Variants in GDAP1 observed in about 807,000 individuals in gnomAD.
GDAP1 encodes the protein ganglioside induced differentiation associated protein 1.
A neutral mutation model predicts 40.1 loss-of-function variants in GDAP1; 34 were observed. The ratio of observed to expected loss-of-function variants is 0.85; its 90% CI spans 0.64 to 1.13. The LOEUF (loss-of-function observed/expected upper bound fraction) is 1.13, where lower values mean the gene tolerates loss of function less well. GDAP1 is among the 50% of genes most tolerant of loss of function. GDAP1 has a pLI of 0.00. For synonymous variants in GDAP1, 170 were observed against 157.4 expected, an observed-to-expected ratio of 1.08 and a Z score of -0.60; for missense variants, 374 against 433.7, an observed-to-expected ratio of 0.86 and a Z score of 1.22.
At chr8:74,470,823 C>T (rs554914347) in intron 2 of GDAP1, among the ~76,000 whole-genome samples, 1,884 of 152,260 alleles carry the variant, frequency 0.012, 42 homozygotes, top group African/African-American at 0.043. Context: ...CCTGAGGAAT[C>T]GCCACACTGA....
In GDAP1 at chr8:74,430,150, T is replaced by C. The variant is rs1034502995; in HGVS notation, c.166-58528T>C. Among the ~76,000 whole-genome samples, 165 of 152,198 alleles carry C rather than the reference T, an allele frequency of 1.1e-3. 5 individuals carry two copies. Among genetic ancestry groups the C allele is most frequent in the Non-Finnish European group, 4.4e-4 (30 of 68,040 alleles). On this transcript the variant is annotated intron_variant, in intron 2 of 2. Coordinates refer to the GDAP1 transcript ENST00000523640. ...TACAACGAATACCATTTCTCAACTATTAGATGGGTAAATGGTTCAAGTGTG... is the reference window on the plus strand; with the variant it reads ...TACAACGAATACCATTTCTCAACTACTAGATGGGTAAATGGTTCAAGTGTG...
At chr8:74,384,094 C>G (rs1462328109) in intron 2 of GDAP1, among the ~76,000 whole-genome samples, 1 of 152,130 alleles carries the variant, frequency 6.6e-6, no homozygotes, top group Admixed American at 6.5e-5. Flanking sequence ...AGACAATGCA[C>G]TGATAACTGC....
At chr8:74,384,971 T>C (rs1193634116) in intron 2 of GDAP1, among the ~76,000 whole-genome samples, 2 of 152,192 alleles carry the variant, frequency 1.3e-5, no homozygotes, top group Non-Finnish European at 2.9e-5. Context: ...CACAGTTGAA[T>C]GCTTTGCTAG....
intron 2 of GDAP1, among the ~76,000 whole-genome samples, chr8:74,357,348 T>C (rs757050548): frequency 6.6e-6 from 1 of 152,198 alleles, no homozygotes; most frequent in Non-Finnish European, 1.5e-5. Flanking sequence ...GCCCCTAATT[T>C]CTTTTTATGT....
At chr8:74,471,722 T>A (rs1251040383) in intron 2 of GDAP1, among the ~76,000 whole-genome samples, 5 of 152,176 alleles carry the variant, frequency 3.3e-5, no homozygotes, top group African/African-American at 1.2e-4. Context: ...CTTGTCACTG[T>A]CGGTCAGTTT....
intron 2 of GDAP1, among the ~76,000 whole-genome samples, chr8:74,357,727 C>T (rs543268381): frequency 2.6e-5 from 4 of 152,312 alleles, no homozygotes; most frequent in Admixed American, 2.6e-4. Flanking sequence ...ATGCTGGGAC[C>T]TCCTCTCATT....
At chr8:74,405,551 G>T (rs190890881) in intron 2 of GDAP1, among the ~76,000 whole-genome samples, 3 of 149,970 alleles carry the variant, frequency 2.0e-5, no homozygotes, top group African/African-American at 7.6e-5. Flanking sequence ...ACTGTTGTCC[G>T]TGCTGGGCTA....
In GDAP1 at chr8:74,363,995, G is replaced by A; in HGVS notation, c.705G>A (p.Gln235=). ...CCTTTCTCTAATTAGAAGAGGGCCA[G>A]CAACCTTGGCTCTGCGGTGAATCCT... is the stretch of plus-strand genomic sequence containing the variant. ...RRNEETPEEG[Q]QPWLCGESFT... is the part of the protein sequence containing the mutation. The change falls in exon 6 of 6, where the codon CAG becomes CAA. Residue 235 remains glutamine, a synonymous_variant. Transcript: ENST00000220822. 6.2e-7 allele frequency: 1 copy of A among 1,614,014 alleles called. No individual in the cohort carries two copies.
chr8:74,444,016 A>ATCTATCTG (rs1238130156), intron 2 of GDAP1, among the ~76,000 whole-genome samples: 3 of 112,334 alleles, frequency 2.7e-5, no homozygotes, highest in African/African-American at 8.8e-5. Context: ...CTATCTATCT[A>ATCTATCTG]TCTATCTATC....
At chr8:74,360,352 T>G in intron 3 of GDAP1, 42 bp downstream of exon 3, 1 of 1,508,438 alleles carries the variant, frequency 6.6e-7, no homozygotes, top group Non-Finnish European at 9.2e-7. Context: ...GTCTGACACT[T>G]TCTTTTAATT....
intron 2 of GDAP1, among the ~76,000 whole-genome samples, chr8:74,380,828 T>C (rs1387617235): frequency 6.6e-6 from 1 of 152,220 alleles, no homozygotes; most frequent in Non-Finnish European, 1.5e-5. Flanking sequence ...ATGATTTTTC[T>C]CTGGGACTCT....
Position 74,361,988 on chromosome 8 carries a change from T to C in GDAP1, c.579+10T>C, listed in dbSNP as rs1809391819. On this transcript the variant is annotated intron_variant, in intron 4 of 5. Transcript: ENST00000220822. Reference sequence around the variant, plus strand: ...ACAGAAACGACTTAAAGTAAGCCAATCAGCTGTCCTCAGTTGACATACACT... The same window carrying C: ...ACAGAAACGACTTAAAGTAAGCCAACCAGCTGTCCTCAGTTGACATACACT... 7.2e-7 allele frequency: 1 copy of C among 1,389,520 alleles called. No individual in the cohort carries two copies. The highest frequency in any genetic ancestry group is 1.0e-6 in the Non-Finnish European group (1 of 978,132). 86.1% of individuals were successfully genotyped at this position (1,389,520 alleles called of 1,614,324 possible).
chr8:74,452,608 C>G lies in GDAP1; in HGVS notation c.166-36070C>G, dbSNP rs1416219786. Among the ~76,000 whole-genome samples, 4 of 83,694 alleles carry G rather than the reference C, an allele frequency of 4.8e-5. 2 individuals carry two copies. The highest frequency in any genetic ancestry group is 2.1e-4 in the African/African-American group (4 of 19,326). The allele number at this position is 83,694 out of a possible 152,430, so 54.9% of individuals were successfully genotyped here. A position where few individuals can be genotyped will look rare whatever the true frequency, so the allele number is the denominator to read the frequency against. On this transcript the variant is annotated intron_variant, in intron 2 of 2. Coordinates refer to the GDAP1 transcript ENST00000523640. The stretch of plus-strand genomic sequence containing the variant: ...TTTTTTTCACATATGCTTTTTAGCT[C>G]TAGAATTTCAATTTGGCTCTTCATT...
chr8:74,401,050 G>A (rs1184814576), intron 2 of GDAP1, among the ~76,000 whole-genome samples: 1 of 149,246 alleles, frequency 6.7e-6, no homozygotes, highest in Non-Finnish European at 1.5e-5. Context: ...CTCTTCTCGA[G>A]GAGTATCTTT....
Position 74,482,937 on chromosome 8 carries a change from T to A in GDAP1, c.166-5741T>A, listed in dbSNP as rs146310509. Among the ~76,000 whole-genome samples the A allele has an allele frequency of 5.0e-3, 757 of 152,304 alleles. 6 individuals carry two copies. Among genetic ancestry groups the A allele is most frequent in the African/African-American group, 0.017 (706 of 41,564 alleles). On this transcript the variant is annotated intron_variant, in intron 2 of 2. Coordinates refer to the GDAP1 transcript ENST00000523640. ...CAGTACAGTGTAGGAGTTACAGACA[T>A]GGGCTCTGGAGTCAGACTTCCTGGA...
At chr8:74,386,328 T>G (rs1192710800) in intron 2 of GDAP1, among the ~76,000 whole-genome samples, 1 of 152,214 alleles carries the variant, frequency 6.6e-6, no homozygotes, top group Non-Finnish European at 1.5e-5. Flanking sequence ...TTAGGTCTTA[T>G]GTTTAAGTCC....
chr8:74,379,102 A>G (rs2131535968), intron 2 of GDAP1, among the ~76,000 whole-genome samples: 2 of 77,170 alleles, frequency 2.6e-5, no homozygotes, highest in Middle Eastern at 0.014. Context: ...TGTGGGTCAT[A>G]GAGAGATCCA....
At chr8:74,470,594 T>C (rs1225510631) in intron 2 of GDAP1, among the ~76,000 whole-genome samples, 1 of 152,240 alleles carries the variant, frequency 6.6e-6, no homozygotes. Context: ...CATCATTTTT[T>C]ATGGCTGCAT....
intron 2 of GDAP1, among the ~76,000 whole-genome samples, chr8:74,383,362 T>C (rs910066507): frequency 2.0e-5 from 3 of 152,212 alleles, no homozygotes; most frequent in African/African-American, 7.2e-5. Flanking sequence ...TAAATTGACC[T>C]GGACTTGTTC....
Sources: gnomAD v4.1 joint callset for allele counts (sites outside exome capture counted in the v4.1 genomes callset) on GRCh38, gnomAD v4.1.1 for gene constraint, MANE v1.5 for transcripts, NCBI Gene and HGNC (gene_info 2026-07-23, HGNC 2026-07-21) for gene names.